TNR: variants seen among roughly 807,000 people sequenced by gnomAD.
TNR encodes tenascin R, also known as tenascin-R.
TNR carries 45 observed loss-of-function variants against 150.4 expected under a neutral mutation model. The ratio of observed to expected loss-of-function variants is 0.30; its 90% CI spans 0.24 to 0.38. The LOEUF (loss-of-function observed/expected upper bound fraction) is 0.38. TNR is among the 10% of genes least tolerant of loss of function. The probability of loss-of-function intolerance (pLI) is 1.00; values close to 1 mark genes in which losing one functional copy is unlikely to be tolerated. For synonymous variants in TNR, 687 were observed against 678.4 expected, an observed-to-expected ratio of 1.01 and a Z score of -0.20; for missense variants, 1,544 against 1,759.1, an observed-to-expected ratio of 0.88 and a Z score of 2.19.
At chr1:175,428,306 A>G (rs1655105699) in intron 2 of TNR, among the ~76,000 whole-genome samples, 1 of 152,164 alleles carries the variant, frequency 6.6e-6, no homozygotes, top group African/African-American at 2.4e-5. Flanking sequence ...GTATCCCTGT[A>G]TGCCTACTGC....
chr1:175,734,654 T>C (rs1558097046), intron 1 of TNR, among the ~76,000 whole-genome samples: 2 of 152,238 alleles, frequency 1.3e-5, no homozygotes, highest in Non-Finnish European at 2.9e-5. Flanking sequence ...ATTGTTTTAT[T>C]TAAAGCCAGG....
intron 1 of TNR, among the ~76,000 whole-genome samples, chr1:175,688,861 A>G (rs1666274098): frequency 6.6e-6 from 1 of 152,244 alleles, no homozygotes; most frequent in African/African-American, 2.4e-5. Context: ...TCCATGCTGC[A>G]AGGCCAAGGC....
intron 1 of TNR, among the ~76,000 whole-genome samples, chr1:175,700,414 C>G (rs1425825287): frequency 6.6e-6 from 1 of 152,204 alleles, no homozygotes; most frequent in African/African-American, 2.4e-5. Context: ...CTCTTAAATT[C>G]ACTATCCTGA....
Position 175,379,540 on chromosome 1 carries a change from G to C in TNR, c.1963+12C>G. 1 of 1,609,844 alleles carries C rather than the reference G, an allele frequency of 6.2e-7. No homozygotes were observed. The highest frequency in any genetic ancestry group is 8.5e-7 in the Non-Finnish European group (1 of 1,177,970). ...GCAACCAGCATAACCCCAAGAGATA[G>C]GTCTTACTCACCTGTCAGGGTGGCC... is the stretch of plus-strand genomic sequence containing the variant. On this transcript the variant is annotated intron_variant, in intron 9 of 22. Coordinates refer to ENST00000367674, the MANE Select transcript of TNR (RefSeq NM_003285.3).
intron 1 of TNR, among the ~76,000 whole-genome samples, chr1:175,591,182 A>C (rs1662783239): frequency 6.6e-6 from 1 of 151,866 alleles, no homozygotes; most frequent in Non-Finnish European, 1.5e-5. Flanking sequence ...GCCTCCATTC[A>C]CTCCTCTGTA....
intron 1 of TNR, among the ~76,000 whole-genome samples, chr1:175,630,701 G>C (rs1664298716): frequency 6.6e-6 from 1 of 152,160 alleles, no homozygotes; most frequent in African/African-American, 2.4e-5. Flanking sequence ...TAGCTTCACT[G>C]TTAGGCATCC....
intron 1 of TNR, among the ~76,000 whole-genome samples, chr1:175,598,095 A>G (rs552273306): frequency 5.3e-5 from 8 of 152,320 alleles, no homozygotes; most frequent in African/African-American, 1.9e-4. Flanking sequence ...GCCGAGAACA[A>G]TATAAGGCAG....
chr1:175,508,928 A>G (rs1659061038), intron 2 of TNR, among the ~76,000 whole-genome samples: 1 of 152,186 alleles, frequency 6.6e-6, no homozygotes, highest in African/African-American at 2.4e-5. Context: ...CTGCAGCACC[A>G]TGTGAATGAG....
rs551503704 is a variant in TNR, at chr1:175,451,344, A to G, written c.-63-44567T>C. On this transcript the variant is annotated intron_variant, in intron 2 of 22. Transcript: ENST00000367674. ...CATTAACTCGTCATTTACATTAGGC[A>G]TATCTCCTAATGCTTTCCCTTCCCC... 2.6e-5 allele frequency among the ~76,000 whole-genome samples: 4 copies of G among 152,196 alleles called. No individual in the cohort carries two copies. The East Asian group carries it at 5.8e-4, about 22-fold the overall frequency.
At chr1:175,708,739 TAAG>T (rs1666911186) in intron 1 of TNR, among the ~76,000 whole-genome samples, 4 of 152,266 alleles carry the variant, frequency 2.6e-5, no homozygotes, top group African/African-American at 9.6e-5. Context: ...CTTCGGGCCT[TAAG>T]AAGGAAATCT....
chr1:175,415,245 GGGTGTA>G, intron 2 of TNR, among the ~76,000 whole-genome samples: 1 of 152,046 alleles, frequency 6.6e-6, no homozygotes, highest in Non-Finnish European at 1.5e-5. Context: ...TGAAAGACGA[GGGTGTA>G]ATGTGATTAC....
intron 2 of TNR, among the ~76,000 whole-genome samples, chr1:175,429,789 G>A (rs1655179576): frequency 6.6e-6 from 1 of 152,142 alleles, no homozygotes; most frequent in Non-Finnish European, 1.5e-5. Context: ...GTTTTCTCTG[G>A]AAGAATTTGA....
At chr1:175,714,805 C>T (rs1027989204) in intron 1 of TNR, among the ~76,000 whole-genome samples, 3 of 152,300 alleles carry the variant, frequency 2.0e-5, no homozygotes, top group South Asian at 2.1e-4. Flanking sequence ...ATGTGCAAGA[C>T]AATCAGCCCA....
intron 1 of TNR, among the ~76,000 whole-genome samples, chr1:175,667,353 C>A (rs1234967263): frequency 6.6e-6 from 1 of 152,196 alleles, no homozygotes; most frequent in Non-Finnish European, 1.5e-5. Flanking sequence ...AAACCCCAGC[C>A]CACACCTAAT....
intron 9 of TNR, among the ~76,000 whole-genome samples, chr1:175,374,488 G>A (rs145793099): frequency 5.3e-5 from 8 of 152,138 alleles, no homozygotes; most frequent in Middle Eastern, 3.2e-3. Flanking sequence ...GTATGTGCAT[G>A]TGAGTGTGCA....
intron 2 of TNR, among the ~76,000 whole-genome samples, chr1:175,418,716 G>C (rs1001494280): frequency 3.1e-4 from 46 of 148,832 alleles, no homozygotes; most frequent in South Asian, 6.6e-4. Context: ...GAGCGAGAGA[G>C]AGAGAGAAAA....
intron 2 of TNR, among the ~76,000 whole-genome samples, chr1:175,453,097 A>C (rs959212121): frequency 6.6e-6 from 1 of 152,198 alleles, no homozygotes; most frequent in Non-Finnish European, 1.5e-5. Flanking sequence ...AAAATTGTTA[A>C]AATGGTATCT....
chr1:175,534,544 G>C (rs190337074), intron 1 of TNR, among the ~76,000 whole-genome samples: 14 of 152,134 alleles, frequency 9.2e-5, no homozygotes, highest in Admixed American at 9.2e-4. Context: ...CTCTGACCCC[G>C]GTATCTGGCA....
At chr1:175,385,176 A>G (rs1652861975) in intron 8 of TNR, among the ~76,000 whole-genome samples, 1 of 152,194 alleles carries the variant, frequency 6.6e-6, no homozygotes, top group South Asian at 2.1e-4. Flanking sequence ...GAGACTGAGA[A>G]TCCAGAAGAC....
Sources: gnomAD v4.1 joint callset for allele counts (sites outside exome capture counted in the v4.1 genomes callset) on GRCh38, gnomAD v4.1.1 for gene constraint, MANE v1.5 for transcripts, NCBI Gene and HGNC (gene_info 2026-07-23, HGNC 2026-07-21) for gene names.